ZNF618: variants seen among roughly 807,000 people sequenced by gnomAD.
The protein encoded by ZNF618 is zinc finger protein 618, also known as neural precursor cell expressed, developmentally down-regulated 10.
Under a neutral mutation model 103.0 loss-of-function variants are expected in ZNF618, and 34 were observed. The observed-to-expected ratio is 0.33, with a 90% CI of 0.25 to 0.44. The LOEUF (loss-of-function observed/expected upper bound fraction) is 0.44. Among genes scored for constraint, ZNF618 ranks in the 20% least tolerant of loss-of-function variants. The pLI is 1.00. For missense variants in ZNF618, 1,059 were observed against 1,295.4 expected (o/e 0.82, Z 2.80); for synonymous variants, 551 against 542.2 (o/e 1.02, Z -0.23).
intron 5 of ZNF618, 103 bp downstream of exon 5, chr9:114,002,176 C>A (rs1253920214): frequency 2.0e-6 from 2 of 1,011,342 alleles, no homozygotes; most frequent in Non-Finnish European, 3.1e-6. Context: ...GCCCTGACAG[C>A]TCCAGCCTTT....
At chr9:113,976,320 G>T (rs545686102) in intron 2 of ZNF618, among the ~76,000 whole-genome samples, 1 of 152,314 alleles carries the variant, frequency 6.6e-6, no homozygotes, top group East Asian at 1.9e-4. Context: ...TGAACCTGTG[G>T]CTGTTAGTTC....
intron 1 of ZNF618, among the ~76,000 whole-genome samples, chr9:113,925,323 G>GT: frequency 6.6e-6 from 1 of 151,572 alleles, no homozygotes; most frequent in Non-Finnish European, 1.5e-5. Flanking sequence ...GCTACTCTAG[G>GT]TTTTTTTAAT....
intron 10 of ZNF618, among the ~76,000 whole-genome samples, chr9:114,017,400 C>T (rs563486332): frequency 1.3e-5 from 2 of 152,172 alleles, no homozygotes; most frequent in East Asian, 3.9e-4. Context: ...GCTCTAAGGG[C>T]CCTTCCCACA....
intron 4 of ZNF618, among the ~76,000 whole-genome samples, chr9:114,001,329 A>G (rs1211588201): frequency 7.5e-6 from 1 of 133,384 alleles, no homozygotes; most frequent in African/African-American, 2.5e-5. Flanking sequence ...CTGAGGGAAC[A>G]AGACAACTCC....
intron 1 of ZNF618, among the ~76,000 whole-genome samples, chr9:113,952,890 C>G (rs908364177): frequency 6.6e-6 from 1 of 152,208 alleles, no homozygotes; most frequent in Admixed American, 6.5e-5. Flanking sequence ...AGGCACATCT[C>G]AGGACATCAG....
rs750336494 is a variant in ZNF618 at position 114,049,447 on chromosome 9, C to T, written c.2145C>T (p.Tyr715=). The change falls in exon 15 of 15, where the codon TAC becomes TAT. Residue 715 remains tyrosine, a synonymous_variant. Coordinates refer to ENST00000374126, the MANE Select transcript of ZNF618 (RefSeq NM_001318042.2). ...GCTATGAGCAGATCTGCGAGTTCTA[C>T]AGCCGGGCCAAGAAGATGAACCTCA... is the stretch of plus-strand genomic sequence containing the variant. The part of the protein sequence containing the change: ...HERYEQICEF[Y]SRAKKMNLIQ... The T allele has an allele frequency of 6.2e-7, 1 of 1,607,920 alleles. No homozygotes were observed. Among genetic ancestry groups the T allele is most frequent in the South Asian group, 1.1e-5 (1 of 89,998 alleles).
intron 2 of ZNF618, among the ~76,000 whole-genome samples, chr9:113,988,012 C>T (rs1278898820): frequency 6.6e-6 from 1 of 152,198 alleles, no homozygotes; most frequent in African/African-American, 2.4e-5. Context: ...TAAGTGCAAA[C>T]AAATAAGTGG....
chr9:113,922,154 G>A (rs770645058), intron 1 of ZNF618, among the ~76,000 whole-genome samples: 87 of 152,196 alleles, frequency 5.7e-4, no homozygotes, highest in Non-Finnish European at 1.1e-3. Flanking sequence ...TGATCCTGGG[G>A]ATAAACCAGG....
At position 114,046,914 on chromosome 9, in the gene ZNF618, A is replaced by G. The variant is rs116949355; in HGVS notation, c.1247-979A>G. Among the ~76,000 whole-genome samples, 310 of 152,286 alleles carry G rather than the reference A, an allele frequency of 2.0e-3. 1 individual carries two copies. The highest frequency in any genetic ancestry group is 4.2e-3 in the Admixed American group (65 of 15,296). ...GGTCATGGTATGGAATCCTTTATCTATGTTGCTGGATTATTACATCACAGG... is the reference window on the plus strand; with the variant it reads ...GGTCATGGTATGGAATCCTTTATCTGTGTTGCTGGATTATTACATCACAGG... On this transcript the variant is annotated intron_variant, in intron 13 of 14. Coordinates refer to ENST00000374126, the MANE Select transcript of ZNF618 (RefSeq NM_001318042.2).
At chr9:114,034,431 C>G (rs1347854838) in intron 12 of ZNF618, among the ~76,000 whole-genome samples, 5 of 151,650 alleles carry the variant, frequency 3.3e-5, no homozygotes, top group African/African-American at 1.2e-4. Flanking sequence ...AGCGCAAGCA[C>G]TGCTGCTGCT....
intron 10 of ZNF618, among the ~76,000 whole-genome samples, chr9:114,022,582 G>A (rs1332773921): frequency 1.4e-4 from 16 of 117,968 alleles, no homozygotes; most frequent in Middle Eastern, 6.8e-3. Context: ...CTTCTGCTGC[G>A]GTTTCATGTC....
At chr9:113,969,014 C>A in intron 1 of ZNF618, 103 bp from the exon 2 acceptor site, 2 of 1,341,400 alleles carry the variant, frequency 1.5e-6, no homozygotes, top group Non-Finnish European at 2.1e-6. Context: ...GCTCACCCCA[C>A]AGTGTGAAGG....
chr9:114,004,052 TTAACA>T (rs1841502830), intron 6 of ZNF618, among the ~76,000 whole-genome samples: 1 of 152,262 alleles, frequency 6.6e-6, no homozygotes, highest in African/African-American at 2.4e-5. Flanking sequence ...AAAAAGATTC[TTAACA>T]TAATAAATAA....
Position 114,049,029 on chromosome 9 carries a change from T to A in ZNF618, c.1727T>A (p.Ile576Asn). 1 of 1,613,532 alleles carries A rather than the reference T, an allele frequency of 6.2e-7. No homozygotes were observed. Among genetic ancestry groups the A allele is most frequent in the Non-Finnish European group, 8.5e-7 (1 of 1,179,566 alleles). ...LTAYQAEGNH[I>N]KSYVLGVKGA... ...GCCTACCAGGCCGAGGGCAACCACA[T>A]CAAGAGCTATGTGCTTGGTGTGAAG... Residue 576 changes from isoleucine (I) to asparagine (N), a missense_variant, in exon 15 of 15, where the codon ATC becomes AAC. Ile to Asn is a moderately radical substitution (Grantham distance 149, BLOSUM62 -3). This residue lies in a region of ZNF618 where 272 missense variants were observed against 380.1 expected (regional missense o/e 0.72). Transcript: ENST00000374126.
chr9:114,004,936 C>T (rs1396692666), intron 6 of ZNF618, among the ~76,000 whole-genome samples: 2 of 152,314 alleles, frequency 1.3e-5, no homozygotes, highest in East Asian at 1.9e-4. Context: ...TAGAAGCAGA[C>T]AGACATATTC....
intron 2 of ZNF618, among the ~76,000 whole-genome samples, chr9:113,985,141 G>C (rs1363777500): frequency 6.6e-6 from 1 of 152,238 alleles, no homozygotes; most frequent in Non-Finnish European, 1.5e-5. Context: ...TGTGGGGTAG[G>C]TACCGTGTTT....
chr9:113,918,593 T>G (rs1204633000), intron 1 of ZNF618, among the ~76,000 whole-genome samples: 1 of 152,194 alleles, frequency 6.6e-6, no homozygotes, highest in Non-Finnish European at 1.5e-5. Flanking sequence ...ACCTGCTTAT[T>G]TAGATCAATT....
intron 10 of ZNF618, among the ~76,000 whole-genome samples, chr9:114,018,688 G>T (rs1206785576): frequency 6.6e-6 from 1 of 152,170 alleles, no homozygotes; most frequent in Non-Finnish European, 1.5e-5. Flanking sequence ...ACAGCCTGGT[G>T]CATCTCTCCT....
chr9:113,890,218 CA>C (rs1443862929), intron 1 of ZNF618, among the ~76,000 whole-genome samples: 2 of 152,080 alleles, frequency 1.3e-5, no homozygotes, highest in Non-Finnish European at 2.9e-5. Flanking sequence ...ATGTTCATTA[CA>C]AAAACATTCA....
Sources: gnomAD v4.1 joint callset for allele counts (sites outside exome capture counted in the v4.1 genomes callset) on GRCh38, gnomAD v4.1.1 for gene constraint, gnomAD v4.1.1 regional missense constraint, MANE v1.5 for transcripts, NCBI Gene and HGNC (gene_info 2026-07-23, HGNC 2026-07-21) for gene names.